KTN1: variants seen among roughly 807,000 people sequenced by gnomAD.
KTN1 encodes kinectin.
KTN1 carries 130 observed loss-of-function variants against 222.5 expected under a neutral mutation model. That is an observed-to-expected ratio of 0.58 (90% CI 0.51 to 0.68). KTN1 has a LOEUF of 0.68. Ranked by LOEUF, KTN1 falls within the 30% of genes least tolerant of loss-of-function variation. The pLI, the probability that KTN1 is intolerant of heterozygous loss-of-function variation, is 0.00. For synonymous variants in KTN1, 512 were observed against 496.3 expected (o/e 1.03, Z -0.42); for missense variants, 1,508 against 1,500.4 (o/e 1.01, Z -0.08).
At chr14:55,647,875 C>T (rs372082029) in intron 19 of KTN1, 150 bp from the exon 20 acceptor site, 24 of 198,558 alleles carry the variant, frequency 1.2e-4, no homozygotes, top group East Asian at 9.7e-4. Flanking sequence ...ACCCGGGAGG[C>T]GGAGCTTGCA....
intron 1 of KTN1, among the ~76,000 whole-genome samples, chr14:55,606,471 C>G (rs2036740549): frequency 2.0e-5 from 3 of 151,924 alleles, no homozygotes. Flanking sequence ...GCCACCCCAG[C>G]TGATAAAATT....
intron 5 of KTN1, among the ~76,000 whole-genome samples, chr14:55,627,091 G>A (rs904265844): frequency 2.0e-5 from 3 of 152,094 alleles, no homozygotes; most frequent in African/African-American, 7.2e-5. Context: ...ATATTTGGTG[G>A]TCTTTCCTTA....
intron 1 of KTN1, among the ~76,000 whole-genome samples, chr14:55,590,830 C>A (rs530371816): frequency 3.3e-5 from 5 of 152,212 alleles, no homozygotes; most frequent in African/African-American, 1.2e-4. Flanking sequence ...CATGCACCAC[C>A]ACGTCCAGCT....
chr14:55,607,905 G>T (rs2036974041), intron 1 of KTN1, among the ~76,000 whole-genome samples: 1 of 152,142 alleles, frequency 6.6e-6, no homozygotes, highest in African/African-American at 2.4e-5. Context: ...TTTCTTAAAT[G>T]TGTAAAAATA....
intron 42 of KTN1, chr14:55,679,289 G>T: frequency 3.3e-6 from 1 of 305,148 alleles, no homozygotes; most frequent in Non-Finnish European, 5.9e-6. Flanking sequence ...AGAAAAAATG[G>T]ATATATTTCT....
intron 43 of KTN1, 171 bp downstream of exon 43, chr14:55,679,856 A>G (rs1168385486): frequency 7.3e-6 from 5 of 680,622 alleles, no homozygotes; most frequent in South Asian, 4.0e-5. Flanking sequence ...TATTTTGTGC[A>G]TATCTTGAAG....
chr14:55,580,901 C>T (rs1253980117), intron 1 of KTN1, among the ~76,000 whole-genome samples: 2 of 152,202 alleles, frequency 1.3e-5, no homozygotes, highest in African/African-American at 4.8e-5. Flanking sequence ...GCGCTCGCCC[C>T]CTTCCCCGGC....
At chr14:55,593,824 T>TC (rs781339421) in intron 1 of KTN1, among the ~76,000 whole-genome samples, 4 of 151,966 alleles carry the variant, frequency 2.6e-5, no homozygotes, top group Admixed American at 6.6e-5. Context: ...TCCCCTCTCC[T>TC]CCCCTCTCTT....
intron 10 of KTN1, 138 bp downstream of exon 10, chr14:55,636,674 C>A: frequency 1.7e-6 from 1 of 597,762 alleles, no homozygotes; most frequent in East Asian, 3.0e-5. Context: ...TTCAGAATAT[C>A]TTTCTTTCTT....
intron 32 of KTN1, among the ~76,000 whole-genome samples, chr14:55,662,290 G>A (rs569050393): frequency 2.8e-4 from 42 of 152,036 alleles, no homozygotes; most frequent in African/African-American, 8.2e-4. Context: ...GGCTGGTCTC[G>A]AACTCCTGAT....
chr14:55,639,361 G>A, intron 13 of KTN1, 139 bp downstream of exon 13: 1 of 399,316 alleles, frequency 2.5e-6, no homozygotes. Context: ...AGCAACTTTT[G>A]CTTTTTTTTT....
intron 15 of KTN1, 126 bp from the exon 16 acceptor site, chr14:55,640,806 AT>A: frequency 2.7e-6 from 2 of 736,138 alleles, no homozygotes. Flanking sequence ...TGTTACAGAA[AT>A]ATACAGTATT....
chr14:55,625,116 A>G (rs758128279), intron 5 of KTN1, among the ~76,000 whole-genome samples: 1 of 152,106 alleles, frequency 6.6e-6, no homozygotes, highest in African/African-American at 2.4e-5. Flanking sequence ...AGACTTCCCA[A>G]ATTCCAGTCT....
At chr14:55,597,494 G>A (rs897702600) in intron 1 of KTN1, among the ~76,000 whole-genome samples, 6 of 152,160 alleles carry the variant, frequency 3.9e-5, no homozygotes, top group African/African-American at 4.8e-5. Flanking sequence ...CGTAGATGTC[G>A]AATCTCTTTG....
rs2041243469 is a variant in KTN1 at position 55,637,315 on chromosome 14, C to T, written c.1667C>T (p.Ser556Leu). Residue 556 changes from serine (S) to leucine (L), a missense_variant, in exon 11 of 44, where the codon TCA becomes TTA. Physicochemically the swap from Ser to Leu is moderately radical, Grantham distance 145 (BLOSUM62 -2). Coordinates refer to ENST00000395314, the MANE Select transcript of KTN1 (RefSeq NM_001079521.2). ...LEQRLMQLME[S>L]EQKRVNKEES... is the part of the protein sequence containing the mutation. ...CAAAGACTAATGCAGTTAATGGAAT[C>T]AGAGCAGAAAAGGGTGAACAAAGAA... 1 of 1,608,564 alleles carries T rather than the reference C, an allele frequency of 6.2e-7. No homozygotes were observed. Among genetic ancestry groups the T allele is most frequent in the Admixed American group, 1.7e-5 (1 of 59,774 alleles).
intron 1 of KTN1, among the ~76,000 whole-genome samples, chr14:55,601,479 C>T (rs903892963): frequency 6.6e-6 from 1 of 152,070 alleles, no homozygotes; most frequent in African/African-American, 2.4e-5. Context: ...GCGTTGTGCA[C>T]TCCGGGGCCA....
chr14:55,595,278 AAC>A (rs367890753), intron 1 of KTN1, among the ~76,000 whole-genome samples: 220 of 152,366 alleles, frequency 1.4e-3, no homozygotes, highest in African/African-American at 5.0e-3. Context: ...TGCTTAGGTA[AAC>A]AGTCACTAAT....
chr14:55,650,967 A>G (rs2141114375), intron 24 of KTN1, among the ~76,000 whole-genome samples: 2 of 152,280 alleles, frequency 1.3e-5, no homozygotes, highest in Middle Eastern at 3.4e-3. Flanking sequence ...TGCATGGACC[A>G]AAATGTTATT....
chr14:55,640,090 A>G (rs2140994190), intron 14 of KTN1, 87 bp downstream of exon 14: 2 of 816,972 alleles, frequency 2.4e-6, no homozygotes, highest in South Asian at 1.6e-5. Context: ...AGTGTATATG[A>G]AAAATGGAAA....
Sources: gnomAD v4.1 joint callset for allele counts (sites outside exome capture counted in the v4.1 genomes callset) on GRCh38, gnomAD v4.1.1 for gene constraint, MANE v1.5 for transcripts, NCBI Gene and HGNC (gene_info 2026-07-23, HGNC 2026-07-21) for gene names.